SHANK2: variants seen among roughly 807,000 people sequenced by gnomAD.
SHANK2 encodes SH3 and multiple ankyrin repeat domains 2.
Under a neutral mutation model 133.7 loss-of-function variants are expected in SHANK2, and 43 were observed. The observed-to-expected ratio is 0.32, with a 90% CI of 0.25 to 0.41. The LOEUF (loss-of-function observed/expected upper bound fraction) is 0.41, where lower values mean the gene tolerates loss of function less well. Among genes scored for constraint, SHANK2 ranks in the 10% least tolerant of loss-of-function variants. The probability of loss-of-function intolerance (pLI) is 1.00; values close to 1 mark genes in which losing one functional copy is unlikely to be tolerated. For missense variants in SHANK2, 1,994 were observed against 2,235.8 expected (o/e 0.89, Z 2.18); for synonymous variants, 1,017 against 952.8 (o/e 1.07, Z -1.24).
rs549633139 is a variant in SHANK2 at position 70,534,574 on chromosome 11, T to C, written c.2062-31643A>G. Among the ~76,000 whole-genome samples the C allele has an allele frequency of 1.8e-4, 28 of 152,296 alleles. 1 individual carries two copies. The highest frequency in any genetic ancestry group is 1.6e-3 in the Admixed American group (25 of 15,298). On this transcript the variant is annotated intron_variant, in intron 17 of 25. Transcript: ENST00000601538. ...GAGGGCCCAGGGCAGGACACAGGGC[T>C]GGGACAAGGCCCCAGGTGTCCTGGT...
At chr11:70,656,069 T>C (rs955874180) in intron 17 of SHANK2, among the ~76,000 whole-genome samples, 4 of 152,122 alleles carry the variant, frequency 2.6e-5, no homozygotes, top group African/African-American at 9.7e-5. Context: ...TGCACTACCG[T>C]CATCCAGGAA....
At chr11:70,896,752 T>C (rs1478576520) in intron 10 of SHANK2, among the ~76,000 whole-genome samples, 185 bp from the exon 11 acceptor site, 3 of 152,230 alleles carry the variant, frequency 2.0e-5, no homozygotes, top group South Asian at 4.1e-4. Context: ...CTCAAAGCAG[T>C]TGGCTGTTCT....
chr11:70,877,217 G>C (rs1042445724), intron 11 of SHANK2, among the ~76,000 whole-genome samples: 3 of 152,182 alleles, frequency 2.0e-5, no homozygotes, highest in African/African-American at 4.8e-5. Flanking sequence ...TGCCCCGCTC[G>C]CTGGATAACT....
At chr11:70,710,616 T>C (rs1202888683) in intron 14 of SHANK2, among the ~76,000 whole-genome samples, 1 of 152,192 alleles carries the variant, frequency 6.6e-6, no homozygotes, top group Non-Finnish European at 1.5e-5. Context: ...AAGCAAGTAC[T>C]TTTCTCTGGC....
At chr11:70,903,425 TAAAA>T (rs1950053332) in intron 10 of SHANK2, among the ~76,000 whole-genome samples, 3 of 149,578 alleles carry the variant, frequency 2.0e-5, no homozygotes, top group African/African-American at 7.3e-5. Flanking sequence ...TAAAATAAAA[TAAAA>T]TAAAATAAAA....
rs117979449 is a variant in SHANK2 at position 71,109,261 on chromosome 11, G to A, written c.592+680C>T. ...GCCTGCCAACTCCAGCTGGTGCCCT[G>A]CTGGCAAGAGACTGTCACCTGGGGT... On this transcript the variant is annotated intron_variant, in intron 6 of 25. Transcript: ENST00000601538. Among the ~76,000 whole-genome samples the A allele has an allele frequency of 4.7e-4, 72 of 152,222 alleles. 2 individuals carry two copies. The East Asian group carries it at 0.011, about 23-fold the overall frequency.
chr11:70,508,156 G>C (rs1192479357), intron 17 of SHANK2, among the ~76,000 whole-genome samples: 1 of 152,268 alleles, frequency 6.6e-6, no homozygotes, highest in Non-Finnish European at 1.5e-5. Context: ...CTCAGGCAAT[G>C]AGAGCCTGCC....
At chr11:70,610,434 TGTCA>T (rs1480209488) in intron 17 of SHANK2, among the ~76,000 whole-genome samples, 2 of 152,186 alleles carry the variant, frequency 1.3e-5, no homozygotes, top group African/African-American at 4.8e-5. Context: ...CCAGGAGGTC[TGTCA>T]GTCAGGGTGG....
rs1006379655 is a variant in SHANK2 at position 70,500,364 on chromosome 11, G to A, written c.2308+206C>T. 6.6e-6 allele frequency among the ~76,000 whole-genome samples: 1 copy of A among 152,050 alleles called. No homozygotes were observed. The highest frequency in any genetic ancestry group is 2.4e-5 in the African/African-American group (1 of 41,396). Reference sequence around the variant, plus strand: ...AGGTCAGGGAAGAAACACAGGACACGCTGGGGAATCACAGACAGAAGCCAA... The same window carrying A: ...AGGTCAGGGAAGAAACACAGGACACACTGGGGAATCACAGACAGAAGCCAA... On this transcript the variant is annotated intron_variant, in intron 21 of 25. Coordinates refer to ENST00000601538, the MANE Select transcript of SHANK2 (RefSeq NM_012309.5). This position sits in a 1 kb window ranked among gnomAD's most constrained non-coding sequence, Gnocchi z 4.5.
intron 17 of SHANK2, among the ~76,000 whole-genome samples, chr11:70,594,530 C>T (rs563106437): frequency 6.6e-6 from 1 of 152,212 alleles, no homozygotes; most frequent in East Asian, 1.9e-4. Context: ...TGAGTATCAA[C>T]AGTATATGAA....
At chr11:70,671,681 G>T (rs771079661) in intron 15 of SHANK2, among the ~76,000 whole-genome samples, 2 of 152,192 alleles carry the variant, frequency 1.3e-5, no homozygotes, top group Non-Finnish European at 2.9e-5. Context: ...GGGTGTGTTA[G>T]CCAACAAGGA....
intron 25 of SHANK2, among the ~76,000 whole-genome samples, chr11:70,484,623 C>T (rs2058776389): frequency 6.6e-6 from 1 of 152,202 alleles, no homozygotes; most frequent in Non-Finnish European, 1.5e-5. Flanking sequence ...ATAGAGCCCT[C>T]TGGTTGCGTC....
intron 14 of SHANK2, among the ~76,000 whole-genome samples, chr11:70,712,778 C>T (rs1264415008): frequency 2.0e-5 from 3 of 152,200 alleles, no homozygotes; most frequent in East Asian, 3.9e-4. Context: ...CTGGTCTGCA[C>T]CACATGCTCA....
At chr11:70,749,049 A>T (rs1555036907) in intron 14 of SHANK2, among the ~76,000 whole-genome samples, 1 of 152,214 alleles carries the variant, frequency 6.6e-6, no homozygotes, top group East Asian at 1.9e-4. Context: ...GAGCAGTCAG[A>T]TGGGCTCAGG....
intron 5 of SHANK2, 78 bp downstream of exon 5, chr11:71,113,215 G>A (rs916842804): frequency 2.6e-4 from 341 of 1,289,280 alleles, no homozygotes; most frequent in Admixed American, 1.0e-3. Flanking sequence ...GAAGAGGAGC[G>A]TCTAAAGATA....
At chr11:70,701,226 T>C (rs1945512058) in intron 14 of SHANK2, among the ~76,000 whole-genome samples, 1 of 152,152 alleles carries the variant, frequency 6.6e-6, no homozygotes, top group Admixed American at 6.5e-5. Flanking sequence ...GAACCATTTC[T>C]AGGCTAGGTA....
chr11:70,764,077 TC>T (rs1421004304), intron 14 of SHANK2, among the ~76,000 whole-genome samples: 1 of 143,112 alleles, frequency 7.0e-6, no homozygotes, highest in Non-Finnish European at 1.5e-5. Flanking sequence ...CATCCATCCA[TC>T]CATCCATCCA....
At position 70,633,447 on chromosome 11, in the gene SHANK2, G is replaced by T. The variant is rs1200622590; in HGVS notation, c.2061+26381C>A. The stretch of plus-strand genomic sequence containing the variant: ...AACCAACTCACTGGACATCAGTAGA[G>T]ATCACTGAAGCATCAGCTTCCTATA... On this transcript the variant is annotated intron_variant, in intron 17 of 25. Transcript: ENST00000601538. The T allele has an allele frequency of 2.0e-5, 3 of 152,122 alleles. No individual in the cohort carries two copies. The South Asian group carries it at 6.2e-4, about 32-fold the overall frequency. 9.4% of individuals were successfully genotyped at this position (152,122 alleles called of 1,614,324 possible).
chr11:70,792,156 T>C (rs1947802290), intron 14 of SHANK2, among the ~76,000 whole-genome samples: 1 of 146,988 alleles, frequency 6.8e-6, no homozygotes, highest in African/African-American at 2.5e-5. Context: ...GTCAGCCAAC[T>C]AGTTAATCAA....
Sources: allele counts gnomAD v4.1 joint callset (sites outside exome capture counted in the v4.1 genomes callset), GRCh38; gene constraint gnomAD v4.1.1; non-coding constraint Gnocchi (gnomAD v3.1); transcripts MANE v1.5; gene names NCBI Gene and HGNC (gene_info 2026-07-23, HGNC 2026-07-21).